OR1J2: variants seen among roughly 807,000 people sequenced by gnomAD.
OR1J2 encodes the protein olfactory receptor 1J2.
For missense variants in OR1J2, 304 were observed against 246.1 expected (o/e 1.24, Z -1.57); for synonymous variants, 142 against 99.7 (o/e 1.42, Z -2.52).
the OR1J2 span, among the ~76,000 whole-genome samples, chr9:122,497,830 C>A: frequency 6.6e-6 from 1 of 152,100 alleles, no homozygotes; most frequent in Non-Finnish European, 1.5e-5. Context: ...GTTAATACTG[C>A]TTTTGCTGCA....
downstream of OR1J2, among the ~76,000 whole-genome samples, chr9:122,514,318 A>G (rs1357373918): frequency 6.6e-6 from 1 of 152,118 alleles, no homozygotes; most frequent in East Asian, 1.9e-4. Flanking sequence ...TATTGCTCCC[A>G]TCTTTATGTC....
the OR1J2 span, among the ~76,000 whole-genome samples, chr9:122,481,354 A>T: frequency 6.6e-6 from 1 of 152,224 alleles, no homozygotes; most frequent in African/African-American, 2.4e-5. Context: ...TTTAAGTTTG[A>T]TAACATTAAA....
the OR1J2 span, among the ~76,000 whole-genome samples, chr9:122,459,664 A>G: frequency 6.6e-6 from 1 of 152,120 alleles, no homozygotes; most frequent in Non-Finnish European, 1.5e-5. Context: ...GTAGTTGGAC[A>G]TTTCTTTAAT....
the OR1J2 span, among the ~76,000 whole-genome samples, chr9:122,541,162 G>C: frequency 6.6e-6 from 1 of 152,126 alleles, no homozygotes; most frequent in South Asian, 2.1e-4. Flanking sequence ...GACTCCTACG[G>C]AAATCATGTT....
At chr9:122,480,936 AG>A in the OR1J2 span, among the ~76,000 whole-genome samples, 3 of 152,238 alleles carry the variant, frequency 2.0e-5, no homozygotes, top group African/African-American at 7.2e-5. Flanking sequence ...CTGGGATTAC[AG>A]GTGTGCACCA....
Position 122,511,262 on chromosome 9 carries a change from C to T in OR1J2, c.461C>T (p.Ala154Val), listed in dbSNP as rs752989101. The T allele has an allele frequency of 9.3e-6, 7 of 754,188 alleles. No homozygotes were observed. Among genetic ancestry groups the T allele is most frequent in the Admixed American group, 7.3e-5 (4 of 54,942 alleles). 46.7% of individuals were successfully genotyped at this position (754,188 alleles called of 1,614,324 possible). A position where few individuals can be genotyped will look rare whatever the true frequency, so the allele number is the denominator to read the frequency against. The change falls in exon 1 of 1, where the codon GCC becomes GTC. Residue 154 changes from alanine to valine, a missense_variant. Ala to Val is a moderately conservative substitution (Grantham distance 64, BLOSUM62 0). Transcript: ENST00000335302. Reference sequence around the variant, plus strand: ...GCTGTATCTTGGATTCTGTCTTGTGCCAGCTCCCTCTCTCACACCCTTCTC... The same window carrying T: ...GCTGTATCTTGGATTCTGTCTTGTGTCAGCTCCCTCTCTCACACCCTTCTC... ...LVAVSWILSCASSLSHTLLLT... is the reference protein window; with the variant it reads ...LVAVSWILSCVSSLSHTLLLT...
Position 122,510,995 on chromosome 9 carries a change from A to T in OR1J2, c.194A>T (p.His65Leu), listed in dbSNP as rs1248098314. The T allele has an allele frequency of 1.2e-6, 2 of 1,609,154 alleles. No individual in the cohort carries two copies. The highest frequency in any genetic ancestry group is 1.7e-6 in the Non-Finnish European group (2 of 1,175,876). ...ACCCCCATGTACTTCTTCCTCAGCC[A>T]CTTGGCTCTCACTGACATCTCCTTT... is the stretch of plus-strand genomic sequence containing the variant. ...LHTPMYFFLS[H>L]LALTDISFSS... The change falls in exon 1 of 1, where the codon CAC becomes CTC. Residue 65 changes from histidine (H) to leucine (L), a missense_variant. Coordinates refer to ENST00000335302, the MANE Select transcript of OR1J2 (RefSeq NM_054107.1).
the OR1J2 span, chr9:122,477,285 G>A: frequency 6.2e-7 from 1 of 1,614,178 alleles, no homozygotes; most frequent in South Asian, 1.1e-5. Flanking sequence ...AAGAAACCAG[G>A]ATGCACAGGA....
At chr9:122,557,603 T>C in the OR1J2 span, among the ~76,000 whole-genome samples, 36 of 152,214 alleles carry the variant, frequency 2.4e-4, no homozygotes, top group Non-Finnish European at 3.7e-4. Context: ...TTGGATTCTA[T>C]TTGCTAAGTA....
chr9:122,576,554 C>A, the OR1J2 span, among the ~76,000 whole-genome samples: 1 of 152,096 alleles, frequency 6.6e-6, no homozygotes, highest in Admixed American at 6.6e-5. Context: ...TTTATATTCA[C>A]TCATTGTTGG....
At chr9:122,492,650 C>T in the OR1J2 span, among the ~76,000 whole-genome samples, 1 of 152,098 alleles carries the variant, frequency 6.6e-6, no homozygotes, top group Non-Finnish European at 1.5e-5. Context: ...TCTGCAGCCT[C>T]ACCGACATTT....
At chr9:122,476,957 C>T in the OR1J2 span, 1 of 1,269,376 alleles carries the variant, frequency 7.9e-7, no homozygotes, top group Non-Finnish European at 1.1e-6. Context: ...ATCCGTCTGC[C>T]TCAGCCTCCC....
chr9:122,528,547 G>A, the OR1J2 span, among the ~76,000 whole-genome samples: 3 of 152,156 alleles, frequency 2.0e-5, no homozygotes, highest in Non-Finnish European at 2.9e-5. Context: ...GCAGTGAGCC[G>A]AGATCATGCC....
At chr9:122,553,693 T>A in the OR1J2 span, 1 of 1,614,116 alleles carries the variant, frequency 6.2e-7, no homozygotes, top group Non-Finnish European at 8.5e-7. Context: ...CCTGCCCTGA[T>A]GCACACACTG....
At chr9:122,523,590 G>C in the OR1J2 span, among the ~76,000 whole-genome samples, 1 of 152,156 alleles carries the variant, frequency 6.6e-6, no homozygotes, top group Non-Finnish European at 1.5e-5. Context: ...CATATAGATA[G>C]AGAAGAGAAT....
the OR1J2 span, among the ~76,000 whole-genome samples, chr9:122,536,078 C>T: frequency 2.0e-5 from 3 of 152,134 alleles, no homozygotes; most frequent in Non-Finnish European, 4.4e-5. Context: ...AAGGCAGGAA[C>T]CAGCCATCTG....
At chr9:122,542,490 G>A in the OR1J2 span, among the ~76,000 whole-genome samples, 1 of 152,026 alleles carries the variant, frequency 6.6e-6, no homozygotes, top group African/African-American at 2.4e-5. Context: ...AACAGAACTA[G>A]TAGTTTCAGT....
chr9:122,455,803 T>C, the OR1J2 span, among the ~76,000 whole-genome samples: 2 of 152,154 alleles, frequency 1.3e-5, no homozygotes, highest in Non-Finnish European at 2.9e-5. Context: ...GATTTATTCA[T>C]TTTTTTGTAA....
the OR1J2 span, among the ~76,000 whole-genome samples, chr9:122,486,629 C>A: frequency 4.6e-5 from 7 of 152,326 alleles, no homozygotes; most frequent in South Asian, 1.4e-3. Context: ...TATAGGCCAG[C>A]TGCTGTGATG....
Sources: gnomAD v4.1 joint callset for allele counts (sites outside exome capture counted in the v4.1 genomes callset) on GRCh38, gnomAD v4.1.1 for gene constraint, MANE v1.5 for transcripts, NCBI Gene and HGNC (gene_info 2026-07-23, HGNC 2026-07-21) for gene names.